INTS8: variants seen among roughly 807,000 people sequenced by gnomAD.
INTS8 encodes the protein integrator complex subunit 8.
INTS8 carries 47 observed loss-of-function variants against 138.9 expected under a neutral mutation model. The observed-to-expected ratio is 0.34, with a 90% CI of 0.27 to 0.43. INTS8 has a LOEUF of 0.43. Among genes scored for constraint, INTS8 ranks in the 20% least tolerant of loss-of-function variants. The pLI is 1.00. For synonymous variants in INTS8, 392 were observed against 400.9 expected, an observed-to-expected ratio of 0.98 and a Z score of 0.27; for missense variants, 996 against 1,173.0, an observed-to-expected ratio of 0.85 and a Z score of 2.20.
intron 14 of INTS8, among the ~76,000 whole-genome samples, chr8:94,856,239 G>A (rs1815740630): frequency 6.6e-6 from 1 of 152,248 alleles, no homozygotes; most frequent in Admixed American, 6.5e-5. Context: ...TCTTTGTAAT[G>A]ATGGGGGTAG....
intron 1 of INTS8, 112 bp downstream of exon 1, chr8:94,823,673 G>A: frequency 3.6e-6 from 3 of 842,532 alleles, no homozygotes; most frequent in Non-Finnish European, 5.3e-6. Context: ...TGGGAGGCGC[G>A]CACAGGAGCC....
intron 22 of INTS8, 101 bp downstream of exon 22, chr8:94,873,578 G>GTT: frequency 2.7e-6 from 2 of 733,058 alleles, no homozygotes; most frequent in South Asian, 3.3e-5. Context: ...TAATGTGATC[G>GTT]TAAGTCCCAG....
Position 94,850,342 on chromosome 8 carries a change from G to T in INTS8, c.1507+251G>T, listed in dbSNP as rs1815484829. On this transcript the variant is annotated intron_variant, in intron 12 of 26. Coordinates refer to ENST00000523731, the MANE Select transcript of INTS8 (RefSeq NM_017864.4). ...TTTTAGCTGGGGAAGGCTGGGCGTGGTGGCTCACGCCTGTAATCCCAGCAC... is the reference window on the plus strand; with the variant it reads ...TTTTAGCTGGGGAAGGCTGGGCGTGTTGGCTCACGCCTGTAATCCCAGCAC... Among the ~76,000 whole-genome samples the T allele has an allele frequency of 3.3e-5, 5 of 152,216 alleles. No individual in the cohort carries two copies. In the South Asian group the frequency reaches 8.3e-4, roughly 25 times the overall value.
At position 94,851,622 on chromosome 8, in the gene INTS8, G is replaced by C; in HGVS notation, c.1577G>C (p.Arg526Thr). The change falls in exon 13 of 27, where the codon AGA becomes ACA. Residue 526 changes from arginine to threonine, a missense_variant. Transcript: ENST00000523731. ...TTGTCAGTGGATCCTTGGAGGATTA[G>C]ACAAATTTTAATTGAATTACATGGT... Reference protein sequence around the residue: ...LILSVDPWRIRQILIELHGMT... With the variant: ...LILSVDPWRITQILIELHGMT... 2 of 1,603,624 alleles carry C rather than the reference G, an allele frequency of 1.2e-6. No homozygotes were observed. The highest frequency in any genetic ancestry group is 1.7e-6 in the Non-Finnish European group (2 of 1,176,124).
chr8:94,838,459 A>G lies in INTS8; in HGVS notation c.862-4A>G, dbSNP rs1412216359. On this transcript the variant is annotated splice_region_variant and splice_polypyrimidine_tract_variant and intron_variant, in intron 7 of 26. Transcript: ENST00000523731. The stretch of plus-strand genomic sequence containing the variant: ...GATAATGGTGTATACCTCTTACTTT[A>G]CAGATAGGTTCATTATCTCTTCATT... 2.0e-5 allele frequency: 32 copies of G among 1,607,998 alleles called. No homozygotes were observed. The highest frequency in any genetic ancestry group is 2.3e-5 in the Non-Finnish European group (27 of 1,174,778).
intron 23 of INTS8, 61 bp downstream of exon 23, chr8:94,874,663 A>G (rs1816513405): frequency 7.3e-6 from 7 of 955,486 alleles, no homozygotes; most frequent in Admixed American, 6.2e-5. Flanking sequence ...TATAATAAAT[A>G]TAAAGCATTG....
Position 94,880,899 on chromosome 8 carries a change from A to T in INTS8, c.*665A>T, listed in dbSNP as rs75354615. 318 of 398,824 alleles carry T rather than the reference A, an allele frequency of 8.0e-4. 4 individuals are homozygous for T. In the East Asian group the frequency reaches 0.011, roughly 14 times the overall value. 24.7% of individuals were successfully genotyped at this position (398,824 alleles called of 1,614,324 possible). Reference sequence around the variant, plus strand: ...TTATTACCAAGCAACCTACATGTCAAGAAAGCCCCAGTTAGGAAGGAGCCA... The same window carrying T: ...TTATTACCAAGCAACCTACATGTCATGAAAGCCCCAGTTAGGAAGGAGCCA... On this transcript the variant is annotated 3_prime_UTR_variant, in exon 27 of 27. Transcript: ENST00000523731.
chr8:94,881,098 TGCTATAGCA>T lies in INTS8; in HGVS notation c.*872_*880del. 1 of 397,228 alleles carries T rather than the reference TGCTATAGCA, an allele frequency of 2.5e-6. No homozygotes were observed. Among genetic ancestry groups the T allele is most frequent in the Non-Finnish European group, 4.4e-6 (1 of 225,290 alleles). The allele number at this position is 397,228 out of a possible 1,614,324, so 24.6% of individuals were successfully genotyped here. On this transcript the variant is annotated 3_prime_UTR_variant, in exon 27 of 27. Coordinates refer to ENST00000523731, the MANE Select transcript of INTS8 (RefSeq NM_017864.4). ...TAGAAATTCAAGTTTTATAATAGCT[TGCTATAGCA>T]GCTATAGATAAATTAGTCACCTTAT...
In INTS8 at chr8:94,851,038, G is replaced by T. The variant is rs570495244; in HGVS notation, c.1508-515G>T. On this transcript the variant is annotated intron_variant, in intron 12 of 26. Transcript: ENST00000523731. ...AAAAGGGTAAGGTTAACACAGAAAT[G>T]CTGGAAATGCATTATTGAAGACCGT... Among the ~76,000 whole-genome samples, 26 of 152,310 alleles carry T rather than the reference G, an allele frequency of 1.7e-4. No homozygotes were observed. In the South Asian group the frequency reaches 1.9e-3, roughly 11 times the overall value.
intron 21 of INTS8, among the ~76,000 whole-genome samples, chr8:94,872,481 G>A (rs1240530538): frequency 3.9e-5 from 6 of 152,108 alleles, no homozygotes; most frequent in African/African-American, 9.7e-5. Flanking sequence ...TGATCTGCCC[G>A]CCTCGGCCTC....
chr8:94,837,615 G>A (rs1167071339), intron 7 of INTS8, among the ~76,000 whole-genome samples: 1 of 151,840 alleles, frequency 6.6e-6, no homozygotes, highest in Admixed American at 6.6e-5. Flanking sequence ...ATTGAGTGAT[G>A]ATTATGCTCT....
In INTS8 at chr8:94,867,172, CTT is replaced by C; in HGVS notation, c.2330_2331del (p.Phe777CysfsTer13). The C allele has an allele frequency of 6.2e-7, 1 of 1,610,218 alleles. No individual in the cohort carries two copies. Among genetic ancestry groups the C allele is most frequent in the Non-Finnish European group, 8.5e-7 (1 of 1,178,004 alleles). On this transcript the variant is annotated frameshift_variant, in exon 19 of 27. Coordinates refer to ENST00000523731, the MANE Select transcript of INTS8 (RefSeq NM_017864.4). LOFTEE classifies it high-confidence loss of function. ...TCGTTTTGACTATTATTTTATCACTCTTTGTGAAACTTCACAATGTTCGGGTA... is the reference window on the plus strand; with the variant it reads ...TCGTTTTGACTATTATTTTATCACTCTGTGAAACTTCACAATGTTCGGGTA... ...PLVLTIILSLFVKLHNVREDI... is the reference protein window; with the variant it reads ...PLVLTIILSLXVKLHNVREDI...
rs1362003798 is a variant in INTS8, at chr8:94,872,377, G to T, written c.2533+375G>T. On this transcript the variant is annotated intron_variant, in intron 21 of 26. Coordinates refer to ENST00000523731, the MANE Select transcript of INTS8 (RefSeq NM_017864.4). Reference sequence around the variant, plus strand: ...GCCTCCCAAGTAGCTGGGATTATAGGCACCCACCACCATGCCTGGCTAATT... The same window carrying T: ...GCCTCCCAAGTAGCTGGGATTATAGTCACCCACCACCATGCCTGGCTAATT... Among the ~76,000 whole-genome samples the T allele has an allele frequency of 4.6e-5, 7 of 152,188 alleles. No individual in the cohort carries two copies. The East Asian group carries it at 1.4e-3, about 29-fold the overall frequency.
intron 13 of INTS8, 32 bp from the exon 14 acceptor site, chr8:94,853,773 G>A: frequency 8.2e-7 from 1 of 1,220,110 alleles, no homozygotes; most frequent in Admixed American, 1.7e-5. Context: ...CTCTATGTGT[G>A]CATATATATA....
chr8:94,830,306 G>A (rs760040677), intron 5 of INTS8, among the ~76,000 whole-genome samples: 1 of 152,212 alleles, frequency 6.6e-6, no homozygotes, highest in African/African-American at 2.4e-5. Flanking sequence ...ATATTACCAT[G>A]TGAGGTGTAG....
At chr8:94,837,423 C>T (rs1814964791) in intron 7 of INTS8, among the ~76,000 whole-genome samples, 1 of 152,056 alleles carries the variant, frequency 6.6e-6, no homozygotes, top group Non-Finnish European at 1.5e-5. Context: ...ATTAAATGCC[C>T]TAGAGGTTTA....
Position 94,851,607 on chromosome 8 carries a change from A to G in INTS8, c.1562A>G (p.Asp521Gly). The stretch of plus-strand genomic sequence containing the variant: ...GAGCATCAACTTATATTGTCAGTGG[A>G]TCCTTGGAGGATTAGACAAATTTTA... ...QLEHQLILSV[D>G]PWRIRQILIE... Residue 521 changes from aspartate (D) to glycine (G), a missense_variant, in exon 13 of 27, where the codon GAT becomes GGT. Coordinates refer to ENST00000523731, the MANE Select transcript of INTS8 (RefSeq NM_017864.4). The G allele has an allele frequency of 1.2e-6, 2 of 1,601,888 alleles. No homozygotes were observed. The highest frequency in any genetic ancestry group is 1.7e-6 in the Non-Finnish European group (2 of 1,175,146).
chr8:94,845,915 C>T (rs1294809531), intron 10 of INTS8, among the ~76,000 whole-genome samples: 1 of 152,120 alleles, frequency 6.6e-6, no homozygotes, highest in Non-Finnish European at 1.5e-5. Context: ...GGGCGGCCTC[C>T]TAAGCCAAAG....
At chr8:94,826,498 C>G (rs2130990058) in intron 2 of INTS8, among the ~76,000 whole-genome samples, 1 of 152,248 alleles carries the variant, frequency 6.6e-6, no homozygotes, top group African/African-American at 2.4e-5. Flanking sequence ...GAGACATCAA[C>G]AGATAGCAAT....
Sources: allele counts gnomAD v4.1 joint callset (sites outside exome capture counted in the v4.1 genomes callset), GRCh38; gene constraint gnomAD v4.1.1; transcripts MANE v1.5; gene names NCBI Gene and HGNC (gene_info 2026-07-23, HGNC 2026-07-21).